SYTL4: variants seen among roughly 807,000 people sequenced by gnomAD.
SYTL4 encodes synaptotagmin like 4.
In SYTL4, 16 loss-of-function variants were observed where a neutral mutation model predicts 52.7. The ratio of observed to expected loss-of-function variants is 0.30; its 90% CI spans 0.21 to 0.46. SYTL4 has a LOEUF of 0.46. Ranked by LOEUF, SYTL4 falls within the 20% of genes least tolerant of loss-of-function variation. The pLI, the probability that SYTL4 is intolerant of heterozygous loss-of-function variation, is 1.00. For missense variants in SYTL4, 423 were observed against 519.9 expected (o/e 0.81, Z 1.81); for synonymous variants, 160 against 186.6 (o/e 0.86, Z 1.16).
intron 8 of SYTL4, among the ~76,000 whole-genome samples, chrX:100,693,408 T>G (rs757580121): frequency 2.7e-5 from 3 of 112,705 alleles, no homozygotes; most frequent in Non-Finnish European, 5.6e-5. Context: ...TCAAAAACGC[T>G]AAGAATCATC....
intron 16 of SYTL4, chrX:100,685,526 G>T (rs764017947): frequency 8.9e-6 from 1 of 112,932 alleles, no homozygotes; most frequent in Non-Finnish European, 1.9e-5. Flanking sequence ...GCTACACTGT[G>T]GCCCGAGGTG....
intron 16 of SYTL4, among the ~76,000 whole-genome samples, chrX:100,681,983 C>G (rs896337615): frequency 4.5e-5 from 5 of 112,181 alleles, no homozygotes; most frequent in Non-Finnish European, 9.4e-5. Context: ...TTACTATGTA[C>G]TAGGCACTGT....
chrX:100,718,768 C>G (rs1253908477), intron 2 of SYTL4, among the ~76,000 whole-genome samples: 1 of 108,691 alleles, frequency 9.2e-6, no homozygotes, highest in African/African-American at 3.3e-5. Flanking sequence ...GTAGAGTTTG[C>G]ATGTGCTGAG....
chrX:100,678,864 T>C, intron 18 of SYTL4: 2 of 344,241 alleles, frequency 5.8e-6, no homozygotes, highest in Non-Finnish European at 1.0e-5. Context: ...AAATGGGTTT[T>C]AAATATTTGG....
At chrX:100,692,800 CTAATATTTAGATT>C (rs1367822161) in intron 8 of SYTL4, among the ~76,000 whole-genome samples, 1 of 111,510 alleles carries the variant, frequency 9.0e-6, no homozygotes, top group Admixed American at 9.6e-5. Context: ...CCGTAGACCT[CTAATATTTAGATT>C]ATGTCCAAAC....
chrX:100,716,867 G>C (rs945614666), intron 2 of SYTL4, among the ~76,000 whole-genome samples: 1 of 111,645 alleles, frequency 9.0e-6, no homozygotes, highest in Non-Finnish European at 1.9e-5. Flanking sequence ...ACAAATTCAA[G>C]GAAGTTTCAA....
At chrX:100,714,314 C>T (rs916428968) in intron 2 of SYTL4, among the ~76,000 whole-genome samples, 9 of 106,177 alleles carry the variant, frequency 8.5e-5, no homozygotes, top group South Asian at 8.7e-4. Context: ...GGCTGGAGTG[C>T]AGTGGCACGA....
At chrX:100,707,682 T>A (rs1338980676) in intron 2 of SYTL4, among the ~76,000 whole-genome samples, 1 of 111,755 alleles carries the variant, frequency 8.9e-6, no homozygotes, top group Admixed American at 9.5e-5. Flanking sequence ...ATACTCCCAA[T>A]TTATGGCTAC....
intron 8 of SYTL4, 57 bp downstream of exon 8, chrX:100,700,840 G>A (rs1157628559): frequency 2.2e-6 from 2 of 901,817 alleles, no homozygotes; most frequent in African/African-American, 2.0e-5. Context: ...AAAAAGAATA[G>A]TAAAAGAATT....
At chrX:100,719,573 C>T (rs1437339139) in intron 2 of SYTL4, among the ~76,000 whole-genome samples, 3 of 109,694 alleles carry the variant, frequency 2.7e-5, no homozygotes, top group Non-Finnish European at 5.7e-5. Context: ...ATGTGTAACA[C>T]GCCAGAGCAA....
At chrX:100,703,993 T>A (rs1399392362) in intron 3 of SYTL4, among the ~76,000 whole-genome samples, 1 of 112,834 alleles carries the variant, frequency 8.9e-6, no homozygotes, top group Non-Finnish European at 1.9e-5. Context: ...TGTTTTTACA[T>A]ATATCTTCCA....
At chrX:100,701,844 G>A in intron 5 of SYTL4, 84 bp downstream of exon 5, 1 of 872,378 alleles carries the variant, frequency 1.1e-6, no homozygotes, top group Non-Finnish European at 1.6e-6. Flanking sequence ...AAATTCCTAT[G>A]AAAGTCAGGT....
intron 16 of SYTL4, among the ~76,000 whole-genome samples, chrX:100,682,607 T>G (rs1030093974): frequency 5.5e-5 from 6 of 110,076 alleles, no homozygotes; most frequent in African/African-American, 2.0e-4. Flanking sequence ...CTTGGGAGGC[T>G]GAGGCATGAG....
chrX:100,681,254 T>C lies in SYTL4; in HGVS notation c.1531A>G (p.Thr511Ala). 1 of 1,208,472 alleles carries C rather than the reference T, an allele frequency of 8.3e-7. No homozygotes were observed. The change falls in exon 17 of 20, where the codon ACC becomes GCC. Residue 511 changes from threonine to alanine, a missense_variant. Coordinates refer to ENST00000372989, the MANE Select transcript of SYTL4 (RefSeq NM_001370165.1). Reference sequence around the variant, plus strand: ...TTTTTCCGGTCACCTCCAACAGGGGTTTTGGAGGCTGGGATGTATTTCAAT... The same window carrying C: ...TTTTTCCGGTCACCTCCAACAGGGGCTTTGGAGGCTGGGATGTATTTCAAT... ...VSLKYIPASK[T>A]PVGGDRKKSK...
rs2083252562 is a variant in SYTL4, at chrX:100,674,891, T to C, written c.*1137A>G. On this transcript the variant is annotated 3_prime_UTR_variant, in exon 20 of 20. Coordinates refer to ENST00000372989, the MANE Select transcript of SYTL4 (RefSeq NM_001370165.1). ...ACACTACACCCATGTAATATGTAGG[T>C]CAAATTTAGGAAACAATAGCAAAAA... The C allele has an allele frequency of 9.0e-6, 1 of 111,531 alleles. No homozygotes were observed. The highest frequency in any genetic ancestry group is 1.9e-5 in the Non-Finnish European group (1 of 53,098). The allele number at this position is 111,531 out of a possible 1,213,427, so 9.2% of individuals were successfully genotyped here. A position where few individuals can be genotyped will look rare whatever the true frequency, so the allele number is the denominator to read the frequency against.
chrX:100,679,311 A>G lies in SYTL4; in HGVS notation c.1658+2T>C. On this transcript the variant is annotated splice_donor_variant, in intron 18 of 19. Transcript: ENST00000372989. LOFTEE classifies it high-confidence loss of function. ...TAATTTGGGGCTGGTCTAGGGACTC[A>G]CCCCTTGACAAAGCTGTCTGAAGTC... 1 of 1,199,244 alleles carries G rather than the reference A, an allele frequency of 8.3e-7. No individual in the cohort carries two copies. Among genetic ancestry groups the G allele is most frequent in the Non-Finnish European group, 1.1e-6 (1 of 884,788 alleles).
intron 13 of SYTL4, chrX:100,687,875 G>C (rs1379003307): frequency 8.7e-6 from 1 of 114,367 alleles, no homozygotes; most frequent in Non-Finnish European, 1.8e-5. Context: ...TCATGCTTAT[G>C]ACAGAACCAG....
chrX:100,689,692 A>T (rs774500001), intron 12 of SYTL4, among the ~76,000 whole-genome samples, 164 bp downstream of exon 12: 2 of 107,318 alleles, frequency 1.9e-5, no homozygotes, highest in South Asian at 8.5e-4. Flanking sequence ...CTTTCCTTTA[A>T]GCAAATCAGG....
intron 2 of SYTL4, among the ~76,000 whole-genome samples, chrX:100,721,610 C>G (rs181384108): frequency 1.0e-3 from 114 of 110,903 alleles, no homozygotes; most frequent in African/African-American, 3.5e-3. Context: ...TTTGATATCA[C>G]TGATTCAACA....
Sources: allele counts gnomAD v4.1 joint callset (sites outside exome capture counted in the v4.1 genomes callset), GRCh38; gene constraint gnomAD v4.1.1; transcripts MANE v1.5; gene names NCBI Gene and HGNC (gene_info 2026-07-23, HGNC 2026-07-21).